The following ASTN1 variants were observed in gnomAD, a reference collection of about 807,000 sequenced individuals.
The protein encoded by ASTN1 is astrotactin-1.
A neutral mutation model predicts 140.7 loss-of-function variants in ASTN1; 41 were observed. That is an observed-to-expected ratio of 0.29 (90% CI 0.23 to 0.38). The LOEUF (loss-of-function observed/expected upper bound fraction) is 0.38. ASTN1 is among the 10% of genes least tolerant of loss of function. ASTN1 has a pLI of 1.00. For missense variants in ASTN1, 1,479 were observed against 1,678.8 expected (o/e 0.88, Z 2.08); for synonymous variants, 640 against 652.2 (o/e 0.98, Z 0.29).
intron 2 of ASTN1, among the ~76,000 whole-genome samples, chr1:177,047,766 G>A (rs1395247895): frequency 6.6e-6 from 1 of 152,194 alleles, no homozygotes; most frequent in Admixed American, 6.5e-5. Flanking sequence ...GGATCCCATG[G>A]CCATGCTGGG....
chr1:176,861,321 G>A lies in ASTN1; in HGVS notation c.*2963C>T. On this transcript the variant is annotated 3_prime_UTR_variant, in exon 23 of 23. Coordinates refer to ENST00000361833, the MANE Select transcript of ASTN1 (RefSeq NM_004319.3). ...AAAACGATTGCACACTCAATTAAAA[G>A]TCTAATGCTATTACAGTGGTTCATG... The A allele has an allele frequency of 1.0e-6, 1 of 985,806 alleles. No individual in the cohort carries two copies. Among genetic ancestry groups the A allele is most frequent in the African/African-American group, 1.7e-5 (1 of 57,324 alleles). 61.1% of individuals were successfully genotyped at this position (985,806 alleles called of 1,614,324 possible). A position where few individuals can be genotyped will look rare whatever the true frequency, so the allele number is the denominator to read the frequency against.
intron 15 of ASTN1, among the ~76,000 whole-genome samples, chr1:176,934,615 GT>G (rs1162912260): frequency 0.033 from 4,710 of 142,628 alleles, 214 homozygotes; most frequent in African/African-American, 0.11. Flanking sequence ...AAATCAATGT[GT>G]TTTTTTTTTT....
At chr1:177,034,052 A>C (rs1676585978) in intron 2 of ASTN1, among the ~76,000 whole-genome samples, 1 of 152,132 alleles carries the variant, frequency 6.6e-6, no homozygotes, top group South Asian at 2.1e-4. Context: ...CTATCAAATA[A>C]GCTAGAGATA....
intron 8 of ASTN1, among the ~76,000 whole-genome samples, chr1:177,013,595 G>A (rs183762307): frequency 2.6e-4 from 40 of 152,228 alleles, no homozygotes; most frequent in Middle Eastern, 3.4e-3. Context: ...AGAATCACAC[G>A]GAAGGGGCAG....
At chr1:177,118,893 T>A (rs1681235498) in intron 1 of ASTN1, among the ~76,000 whole-genome samples, 1 of 152,162 alleles carries the variant, frequency 6.6e-6, no homozygotes, top group African/African-American at 2.4e-5. Context: ...ACTTACTGGG[T>A]GGGAGGCCTT....
chr1:177,128,297 A>G (rs1041789209), intron 1 of ASTN1, among the ~76,000 whole-genome samples: 1 of 152,206 alleles, frequency 6.6e-6, no homozygotes, highest in Non-Finnish European at 1.5e-5. Context: ...CTTATTATGC[A>G]TCAGACAGAC....
chr1:177,067,223 G>T (rs1371362520), intron 1 of ASTN1, among the ~76,000 whole-genome samples: 2 of 152,028 alleles, frequency 1.3e-5, no homozygotes, highest in African/African-American at 4.8e-5. Context: ...TCCTATGAGA[G>T]CCTTATAACC....
rs1167810919 is a variant in ASTN1, at chr1:177,149,419, GTA to G, written c.283+14973_283+14974del. On this transcript the variant is annotated intron_variant, in intron 1 of 22. Coordinates refer to ENST00000361833, the MANE Select transcript of ASTN1 (RefSeq NM_004319.3). ...TATATATATAGTAAATATATATATA[GTA>G]TATATATAGTAAATATATATATAGT... 7.0e-3 allele frequency among the ~76,000 whole-genome samples: 459 copies of G among 65,794 alleles called. 1 individual carries two copies. The highest frequency in any genetic ancestry group is 9.4e-3 in the Non-Finnish European group (396 of 42,012). 43.2% of individuals were successfully genotyped at this position (65,794 alleles called of 152,430 possible). A position where few individuals can be genotyped will look rare whatever the true frequency, so the allele number is the denominator to read the frequency against.
intron 16 of ASTN1, among the ~76,000 whole-genome samples, chr1:176,903,749 C>A (rs1463294069): frequency 6.6e-6 from 1 of 152,148 alleles, no homozygotes; most frequent in Non-Finnish European, 1.5e-5. Context: ...TATAACAAAC[C>A]GTCAGCAATT....
At chr1:177,035,074 C>T (rs964835686) in intron 2 of ASTN1, among the ~76,000 whole-genome samples, 5 of 152,232 alleles carry the variant, frequency 3.3e-5, no homozygotes, top group Non-Finnish European at 7.3e-5. Context: ...TGTCCATTAT[C>T]ATGCTTTTAC....
At chr1:176,990,825 C>T (rs893936803) in intron 8 of ASTN1, among the ~76,000 whole-genome samples, 1 of 152,180 alleles carries the variant, frequency 6.6e-6, no homozygotes, top group African/African-American at 2.4e-5. Context: ...ATCAACATCA[C>T]ATTATCAGCC....
chr1:177,082,996 A>C (rs1407696626), intron 1 of ASTN1, among the ~76,000 whole-genome samples: 1 of 152,170 alleles, frequency 6.6e-6, no homozygotes, highest in African/African-American at 2.4e-5. Flanking sequence ...AATTCCTATT[A>C]AACCCAAGAT....
intron 1 of ASTN1, among the ~76,000 whole-genome samples, chr1:177,136,249 A>G (rs547953200): frequency 1.3e-5 from 2 of 152,302 alleles, no homozygotes; most frequent in South Asian, 2.1e-4. Context: ...TAGGGTCTTC[A>G]GTCTTACTGC....
At chr1:177,002,778 T>C (rs983656177) in intron 8 of ASTN1, among the ~76,000 whole-genome samples, 2 of 152,176 alleles carry the variant, frequency 1.3e-5, no homozygotes, top group Non-Finnish European at 2.9e-5. Flanking sequence ...GCATTGTTTT[T>C]GCAGAAATTG....
At chr1:176,874,745 A>G (rs889732988) in intron 21 of ASTN1, among the ~76,000 whole-genome samples, 2 of 152,144 alleles carry the variant, frequency 1.3e-5, no homozygotes, top group Admixed American at 1.3e-4. Context: ...TCTATTTTAA[A>G]TTAATTAAGT....
At chr1:176,999,998 A>G (rs1674648838) in intron 8 of ASTN1, among the ~76,000 whole-genome samples, 1 of 152,194 alleles carries the variant, frequency 6.6e-6, no homozygotes, top group Admixed American at 6.5e-5. Context: ...AGTAATACGA[A>G]TGTATGTTAA....
chr1:176,993,860 T>C (rs1321283822), intron 8 of ASTN1, among the ~76,000 whole-genome samples: 3 of 152,180 alleles, frequency 2.0e-5, no homozygotes, highest in Non-Finnish European at 4.4e-5. Context: ...TCAACTTTCT[T>C]ATATTTGACT....
chr1:177,071,505 A>G (rs975684910), intron 1 of ASTN1, among the ~76,000 whole-genome samples: 6 of 152,202 alleles, frequency 3.9e-5, no homozygotes, highest in African/African-American at 1.4e-4. Flanking sequence ...ACTGCACTCA[A>G]GTACAACCTT....
intron 1 of ASTN1, among the ~76,000 whole-genome samples, chr1:177,090,256 G>A (rs1470486343): frequency 6.6e-6 from 1 of 151,538 alleles, no homozygotes; most frequent in Non-Finnish European, 1.5e-5. Flanking sequence ...CTAGTATAGA[G>A]ATTCACTGTA....
Sources: allele counts gnomAD v4.1 joint callset (sites outside exome capture counted in the v4.1 genomes callset), GRCh38; gene constraint gnomAD v4.1.1; transcripts MANE v1.5; gene names NCBI Gene and HGNC (gene_info 2026-07-23, HGNC 2026-07-21).